PRPF18: variants seen among roughly 807,000 people sequenced by gnomAD.
PRPF18 encodes the protein pre-mRNA-splicing factor 18.
Under a neutral mutation model 46.5 loss-of-function variants are expected in PRPF18, and 38 were observed. That is an observed-to-expected ratio of 0.82 (90% confidence interval 0.63 to 1.07). The LOEUF (loss-of-function observed/expected upper bound fraction) is 1.07. Among genes scored for constraint, PRPF18 ranks in the 50% least tolerant of loss-of-function variants. The pLI, the probability that PRPF18 is intolerant of heterozygous loss-of-function variation, is 0.00. For synonymous variants in PRPF18, 152 were observed against 146.7 expected (o/e 1.04, Z -0.26); for missense variants, 263 against 410.0 (o/e 0.64, Z 3.10).
At chr10:13,636,291 G>A in the PRPF18 span, among the ~76,000 whole-genome samples, 9 of 152,266 alleles carry the variant, frequency 5.9e-5, no homozygotes, top group Non-Finnish European at 1.0e-4. Context: ...GTGTGGTGGC[G>A]CGCACGTGTA....
the PRPF18 span, chr10:13,654,478 C>A: frequency 6.2e-7 from 1 of 1,613,784 alleles, no homozygotes; most frequent in Non-Finnish European, 8.5e-7. Context: ...TTTCACTTGA[C>A]GGTGTCGAGC....
intron 1 of PRPF18, 66 bp from the exon 2 acceptor site, chr10:13,597,392 G>T: frequency 9.2e-7 from 1 of 1,083,708 alleles, no homozygotes. Context: ...AAAGGTATTT[G>T]TTGACTATGG....
chr10:13,607,094 A>G (rs1807493496), intron 4 of PRPF18, among the ~76,000 whole-genome samples: 1 of 151,638 alleles, frequency 6.6e-6, no homozygotes, highest in Non-Finnish European at 1.5e-5. Context: ...TTCTTTCCTT[A>G]TTTATTTATT....
downstream of PRPF18, chr10:13,632,758 A>C (rs1371987916): frequency 6.6e-6 from 1 of 152,226 alleles, no homozygotes; most frequent in Non-Finnish European, 1.5e-5. Context: ...AATGACTGCA[A>C]ATAACATGAG....
intron 1 of PRPF18, among the ~76,000 whole-genome samples, chr10:13,590,441 C>CAAA (rs71721771): frequency 1.9e-4 from 25 of 134,962 alleles, no homozygotes; most frequent in South Asian, 4.9e-4. Flanking sequence ...ACTGAAAATA[C>CAAA]AAAAAAAAAA....
chr10:13,618,615 CAAAAA>C (rs68069523), intron 9 of PRPF18, among the ~76,000 whole-genome samples: 5 of 39,990 alleles, frequency 1.3e-4, no homozygotes, highest in African/African-American at 1.7e-4. Context: ...AAGACCCTGT[CAAAAA>C]AAAAAAAAAA....
chr10:13,634,992 C>G (rs552636832), downstream of PRPF18, among the ~76,000 whole-genome samples: 1 of 152,202 alleles, frequency 6.6e-6, no homozygotes, highest in African/African-American at 2.4e-5. Flanking sequence ...CATCCTATCA[C>G]CCGGATATTA....
chr10:13,597,091 G>T lies in PRPF18; in HGVS notation c.67-367G>T, dbSNP rs114859023. On this transcript the variant is annotated intron_variant, in intron 1 of 9. Coordinates refer to ENST00000378572, the MANE Select transcript of PRPF18 (RefSeq NM_003675.4). ...TTTCTGTTAGGAAAAAATAATTGAG[G>T]TATACCATTTTATGTGTTTCATAAT... Among the ~76,000 whole-genome samples the T allele has an allele frequency of 6.7e-3, 1,014 of 152,196 alleles. 14 individuals are homozygous for T. The highest frequency in any genetic ancestry group is 0.023 in the African/African-American group (938 of 41,516).
At chr10:13,598,541 G>A (rs975347623) in intron 2 of PRPF18, among the ~76,000 whole-genome samples, 1 of 152,114 alleles carries the variant, frequency 6.6e-6, no homozygotes, top group Non-Finnish European at 1.5e-5. Flanking sequence ...AAAGAAAAAT[G>A]TAGTTTTCAA....
At chr10:13,621,810 T>G (rs1054165344) in intron 9 of PRPF18, among the ~76,000 whole-genome samples, 4 of 152,222 alleles carry the variant, frequency 2.6e-5, no homozygotes, top group Admixed American at 2.6e-4. Context: ...GCAAGTTGTT[T>G]TCAGTAAGCT....
intron 6 of PRPF18, among the ~76,000 whole-genome samples, chr10:13,612,455 A>T (rs538423122): frequency 5.4e-4 from 81 of 150,032 alleles, no homozygotes; most frequent in South Asian, 2.5e-3. Flanking sequence ...TTATTTATTT[A>T]TTTTTTTAGT....
At chr10:13,623,543 T>C (rs1017568113) in intron 9 of PRPF18, among the ~76,000 whole-genome samples, 3 of 152,210 alleles carry the variant, frequency 2.0e-5, no homozygotes, top group African/African-American at 7.2e-5. Flanking sequence ...CTTTGTTTCA[T>C]AGTGTAGACT....
intron 1 of PRPF18, 95 bp downstream of exon 1, chr10:13,587,247 G>A: frequency 3.0e-6 from 4 of 1,337,664 alleles, no homozygotes; most frequent in Non-Finnish European, 4.3e-6. Flanking sequence ...GAGGATTCGG[G>A]GCGGGGACGG....
chr10:13,648,888 G>A, the PRPF18 span: 1 of 152,196 alleles, frequency 6.6e-6, no homozygotes, highest in Non-Finnish European at 1.5e-5. Context: ...CTTAGCCAGT[G>A]TTTCCCAAAG....
In PRPF18 at chr10:13,613,969, C is replaced by T. The variant is rs758637262; in HGVS notation, c.721-46C>T. The T allele has an allele frequency of 3.5e-5, 55 of 1,554,108 alleles. 1 individual carries two copies. The South Asian group carries it at 6.6e-4, about 19-fold the overall frequency. On this transcript the variant is annotated intron_variant, in intron 7 of 9. Coordinates refer to ENST00000378572, the MANE Select transcript of PRPF18 (RefSeq NM_003675.4). The stretch of plus-strand genomic sequence containing the variant: ...AAATGCAGTCTGTTTTTTCCCTATA[C>T]ATCTATACATAGTAGCTTCCAAAAT...
intron 6 of PRPF18, among the ~76,000 whole-genome samples, chr10:13,613,419 T>C (rs1193504329): frequency 7.1e-6 from 1 of 141,264 alleles, no homozygotes; most frequent in Non-Finnish European, 1.6e-5. Flanking sequence ...ATTTTATGTA[T>C]ATAATACAAA....
At chr10:13,594,151 G>A (rs1470726255) in intron 1 of PRPF18, among the ~76,000 whole-genome samples, 2 of 152,198 alleles carry the variant, frequency 1.3e-5, no homozygotes, top group Non-Finnish European at 2.9e-5. Context: ...ATTACAAAAT[G>A]TATATTCCAT....
intron 9 of PRPF18, among the ~76,000 whole-genome samples, chr10:13,623,677 G>T (rs1391400298): frequency 8.3e-6 from 1 of 120,948 alleles, no homozygotes; most frequent in African/African-American, 3.1e-5. Flanking sequence ...TCAAGGCAAA[G>T]AATTGTGATT....
intron 1 of PRPF18, among the ~76,000 whole-genome samples, chr10:13,589,067 G>A (rs1250970562): frequency 1.3e-5 from 2 of 152,198 alleles, no homozygotes; most frequent in African/African-American, 4.8e-5. Flanking sequence ...AATATCCACT[G>A]ATCTGAGAAA....
Sources: allele counts gnomAD v4.1 joint callset (sites outside exome capture counted in the v4.1 genomes callset), GRCh38; gene constraint gnomAD v4.1.1; transcripts MANE v1.5; gene names NCBI Gene and HGNC (gene_info 2026-07-23, HGNC 2026-07-21).